Variants in NPHP4 observed in about 807,000 individuals in gnomAD.
NPHP4 encodes nephrocystin 4.
A neutral mutation model predicts 155.8 loss-of-function variants in NPHP4; 151 were observed. The ratio of observed to expected loss-of-function variants is 0.97; its 90% CI spans 0.85 to 1.11. NPHP4 has a LOEUF of 1.11. Ranked by LOEUF, NPHP4 falls within the 50% of genes least tolerant of loss-of-function variation. The probability of loss-of-function intolerance (pLI) is 0.00; values close to 1 mark genes in which losing one functional copy is unlikely to be tolerated. For synonymous variants in NPHP4, 845 were observed against 816.8 expected (o/e 1.03, Z -0.59); for missense variants, 1,956 against 1,925.7 (o/e 1.02, Z -0.29).
At chr1:5,919,210 G>A (rs186644694) in intron 11 of NPHP4, among the ~76,000 whole-genome samples, 3 of 152,272 alleles carry the variant, frequency 2.0e-5, no homozygotes, top group South Asian at 2.1e-4. Context: ...CTATAATTGG[G>A]CCTCAATTGT....
intron 2 of NPHP4, among the ~76,000 whole-genome samples, chr1:5,983,888 C>T (rs576760689): frequency 2.6e-5 from 4 of 152,286 alleles, no homozygotes; most frequent in African/African-American, 9.6e-5. Context: ...TATTTTTCCA[C>T]CCTTCTACCT....
chr1:5,974,949 T>C (rs1225220247), intron 3 of NPHP4, among the ~76,000 whole-genome samples: 2 of 152,164 alleles, frequency 1.3e-5, no homozygotes, highest in African/African-American at 4.8e-5. Flanking sequence ...CCAATGCTGA[T>C]AGGCAAAGAC....
chr1:5,951,961 C>A (rs551530491), intron 7 of NPHP4, among the ~76,000 whole-genome samples: 2 of 152,352 alleles, frequency 1.3e-5, no homozygotes, highest in Admixed American at 1.3e-4. Flanking sequence ...CACGCACCTG[C>A]ACGACGCAGA....
At position 5,867,935 on chromosome 1, in the gene NPHP4, G is replaced by C; in HGVS notation, c.3316-39C>G. On this transcript the variant is annotated intron_variant, in intron 23 of 29. Coordinates refer to ENST00000378156, the MANE Select transcript of NPHP4 (RefSeq NM_015102.5). This position sits in a 1 kb window ranked among gnomAD's most constrained non-coding sequence, Gnocchi z 4.1. ...ACGCTGAGTGTTGGGATGGGCACGA[G>C]GCTTGTGAGCAGCTTCTTGTCCCTC... is the stretch of plus-strand genomic sequence containing the variant. 6.2e-7 allele frequency: 1 copy of C among 1,611,676 alleles called. No individual in the cohort carries two copies. Among genetic ancestry groups the C allele is most frequent in the Non-Finnish European group, 8.5e-7 (1 of 1,177,824 alleles).
chr1:5,909,039 C>T, intron 12 of NPHP4, 113 bp downstream of exon 12: 1 of 919,968 alleles, frequency 1.1e-6, no homozygotes, highest in Non-Finnish European at 1.7e-6. Flanking sequence ...CAGGCCCTCC[C>T]CAGCCACGCA....
chr1:5,884,856 T>A (rs1055438342), intron 18 of NPHP4, among the ~76,000 whole-genome samples: 23 of 132,602 alleles, frequency 1.7e-4, no homozygotes, highest in Admixed American at 1.7e-3. Flanking sequence ...CTGCCCAAGC[T>A]CCCAGCCGAG....
intron 6 of NPHP4, among the ~76,000 whole-genome samples, chr1:5,953,685 C>T (rs1037919438): frequency 1.3e-5 from 2 of 152,242 alleles, no homozygotes; most frequent in African/African-American, 4.8e-5. Flanking sequence ...ACCCAGCTCA[C>T]GGTCTCGTGC....
chr1:5,879,701 A>G, intron 19 of NPHP4: 1 of 473,392 alleles, frequency 2.1e-6, no homozygotes. Context: ...GCATCTAGCC[A>G]GGGCACCGAG....
chr1:5,924,377 A>C (rs1284719205), intron 11 of NPHP4, among the ~76,000 whole-genome samples: 1 of 152,082 alleles, frequency 6.6e-6, no homozygotes, highest in Non-Finnish European at 1.5e-5. Flanking sequence ...AAATCTAGAG[A>C]TCTAAGAAGC....
intron 1 of NPHP4, among the ~76,000 whole-genome samples, chr1:5,988,917 G>A (rs1375198283): frequency 6.6e-6 from 1 of 150,540 alleles, no homozygotes; most frequent in Non-Finnish European, 1.5e-5. Context: ...CTGAGGACCA[G>A]ACTCAGTCTG....
intron 11 of NPHP4, among the ~76,000 whole-genome samples, chr1:5,913,630 A>G (rs1645303113): frequency 6.6e-6 from 1 of 152,190 alleles, no homozygotes; most frequent in South Asian, 2.1e-4. Context: ...GTCACTGCCA[A>G]CGTCTTCACA....
intron 1 of NPHP4, among the ~76,000 whole-genome samples, chr1:5,989,681 C>T (rs1206533768): frequency 6.6e-6 from 1 of 152,210 alleles, no homozygotes; most frequent in Non-Finnish European, 1.5e-5. Flanking sequence ...CGTGATGGCC[C>T]CAGGTGGGGA....
chr1:5,907,648 C>A (rs138733094), intron 12 of NPHP4, among the ~76,000 whole-genome samples: 2 of 152,318 alleles, frequency 1.3e-5, no homozygotes, highest in Admixed American at 1.3e-4. Context: ...ATCTTGATGG[C>A]CAGCGCGGGC....
At chr1:5,980,131 TG>T (rs1442439164) in intron 2 of NPHP4, among the ~76,000 whole-genome samples, 1 of 151,706 alleles carries the variant, frequency 6.6e-6, no homozygotes, top group Non-Finnish European at 1.5e-5. Context: ...CCACCCTCCC[TG>T]GCCCAGTCCT....
intron 8 of NPHP4, 40 bp from the exon 9 acceptor site, chr1:5,947,270 A>AGCTCCCATCCTTCCC: frequency 6.2e-7 from 1 of 1,606,940 alleles, no homozygotes; most frequent in Non-Finnish European, 8.5e-7. Flanking sequence ...TTAGAGCTCG[A>AGCTCCCATCCTTCCC]GCTCCCATCC....
chr1:5,926,814 C>T (rs1289953255), intron 11 of NPHP4, among the ~76,000 whole-genome samples: 1 of 152,206 alleles, frequency 6.6e-6, no homozygotes, highest in African/African-American at 2.4e-5. Flanking sequence ...CAGAGGAACA[C>T]AAAGCTCCCT....
At chr1:5,978,484 G>A in intron 2 of NPHP4, 71 bp from the exon 3 acceptor site, 3 of 1,472,720 alleles carry the variant, frequency 2.0e-6, no homozygotes, top group Non-Finnish European at 2.8e-6. Context: ...GGCAGGCCAT[G>A]TGGGTGCATA....
chr1:5,920,363 G>A (rs935916441), intron 11 of NPHP4, among the ~76,000 whole-genome samples: 1 of 152,168 alleles, frequency 6.6e-6, no homozygotes, highest in African/African-American at 2.4e-5. Flanking sequence ...GCCCAGCCGG[G>A]GTTAGCTGTT....
intron 9 of NPHP4, among the ~76,000 whole-genome samples, chr1:5,934,210 CT>C (rs1184050541): frequency 1.3e-5 from 2 of 152,268 alleles, no homozygotes; most frequent in African/African-American, 2.4e-5. Context: ...GCAGGCTCCC[CT>C]GGTGGGTGGA....
Sources: gnomAD v4.1 joint callset for allele counts (sites outside exome capture counted in the v4.1 genomes callset) on GRCh38, gnomAD v4.1.1 for gene constraint, Gnocchi (gnomAD v3.1) non-coding constraint, MANE v1.5 for transcripts, NCBI Gene and HGNC (gene_info 2026-07-23, HGNC 2026-07-21) for gene names.